CNTN3: variants seen among roughly 807,000 people sequenced by gnomAD.
The protein encoded by CNTN3 is contactin 3, also known as contactin-3.
In CNTN3, 60 loss-of-function variants were observed where a neutral mutation model predicts 119.1. The ratio of observed to expected loss-of-function variants is 0.50; its 90% CI spans 0.41 to 0.62. CNTN3 has a LOEUF of 0.62. Among genes scored for constraint, CNTN3 ranks in the 20% least tolerant of loss-of-function variants. The pLI is 0.00. For synonymous variants in CNTN3, 450 were observed against 438.7 expected (o/e 1.03, Z -0.32); for missense variants, 1,101 against 1,242.4 (o/e 0.89, Z 1.71).
At chr3:74,315,302 T>A (rs1702802487) in intron 13 of CNTN3, among the ~76,000 whole-genome samples, 1 of 152,170 alleles carries the variant, frequency 6.6e-6, no homozygotes, top group South Asian at 2.1e-4. Flanking sequence ...TAAAAATAGT[T>A]ATCCAGCAGA....
At chr3:74,450,825 C>CTACAAAGGACATGAACTCATCATTTT (rs1478669688) in intron 4 of CNTN3, among the ~76,000 whole-genome samples, 1 of 151,862 alleles carries the variant, frequency 6.6e-6, no homozygotes, top group Non-Finnish European at 1.5e-5. Context: ...ATCCATGTCC[C>CTACAAAGGACATGAACTCATCATTTT]TACAAAGGAC....
intron 1 of CNTN3, among the ~76,000 whole-genome samples, chr3:74,524,054 C>T (rs910089652): frequency 6.6e-6 from 1 of 151,876 alleles, no homozygotes; most frequent in Non-Finnish European, 1.5e-5. Context: ...GGATAAGTCA[C>T]AGCATGGGAA....
At chr3:74,321,083 G>A (rs1559545311) in intron 13 of CNTN3, among the ~76,000 whole-genome samples, 1 of 152,040 alleles carries the variant, frequency 6.6e-6, no homozygotes, top group Non-Finnish European at 1.5e-5. Context: ...GCTAAACACT[G>A]GGTATACATG....
intron 1 of CNTN3, among the ~76,000 whole-genome samples, chr3:74,568,709 C>T (rs1704264059): frequency 6.6e-6 from 1 of 152,202 alleles, no homozygotes; most frequent in Admixed American, 6.5e-5. Flanking sequence ...AAGTTCTGTT[C>T]TCCAACCTGG....
At chr3:74,470,971 G>T (rs1702550810) in intron 4 of CNTN3, among the ~76,000 whole-genome samples, 2 of 152,070 alleles carry the variant, frequency 1.3e-5, no homozygotes, top group South Asian at 4.2e-4. Context: ...CCGCCTCCCG[G>T]GTTCAAGCGA....
intron 4 of CNTN3, among the ~76,000 whole-genome samples, chr3:74,446,960 T>C (rs575518665): frequency 7.9e-5 from 12 of 152,320 alleles, no homozygotes; most frequent in African/African-American, 2.9e-4. Flanking sequence ...ATGGATGTAA[T>C]ACAAAATAGT....
chr3:74,481,671 G>A (rs1298822606), intron 4 of CNTN3, among the ~76,000 whole-genome samples: 1 of 151,574 alleles, frequency 6.6e-6, no homozygotes, highest in African/African-American at 2.4e-5. Context: ...AAAAGAATAA[G>A]TTAACCATAC....
At chr3:74,566,381 G>A (rs1704226422) in intron 1 of CNTN3, among the ~76,000 whole-genome samples, 1 of 152,120 alleles carries the variant, frequency 6.6e-6, no homozygotes, top group Non-Finnish European at 1.5e-5. Context: ...CACAAACCAG[G>A]TGGCTTAAAA....
rs200292256 is a variant in CNTN3, at chr3:74,407,401, T to C, written c.454+17444A>G. Among the ~76,000 whole-genome samples, 3 of 150,764 alleles carry C rather than the reference T, an allele frequency of 2.0e-5. No individual in the cohort carries two copies. The East Asian group carries it at 5.9e-4, about 30-fold the overall frequency. On this transcript the variant is annotated intron_variant, in intron 5 of 22. Coordinates refer to ENST00000263665, the MANE Select transcript of CNTN3 (RefSeq NM_020872.3). ...CTCCTGCCTCAGCCTCTGAAGTAGC[T>C]GGGATTACAGGCATGTGCCACCACG...
At chr3:74,583,225 G>C (rs902197603) in intron 1 of CNTN3, among the ~76,000 whole-genome samples, 6 of 152,124 alleles carry the variant, frequency 3.9e-5, no homozygotes, top group Non-Finnish European at 7.4e-5. Context: ...GTGACCTCTG[G>C]ATCGCAGGTT....
In CNTN3 at chr3:74,563,750, G is replaced by C. The variant is rs150308136; in HGVS notation, c.-80-42558C>G. Among the ~76,000 whole-genome samples, 514 of 152,168 alleles carry C rather than the reference G, an allele frequency of 3.4e-3. 2 individuals are homozygous for C. Among genetic ancestry groups the C allele is most frequent in the African/African-American group, 0.012 (491 of 41,518 alleles). ...CATTTTAGTGCAGTGGCACAGTTGT[G>C]GTGGTACTATCTATTCACCACACCA... is the stretch of plus-strand genomic sequence containing the variant. On this transcript the variant is annotated intron_variant, in intron 1 of 22. Coordinates refer to ENST00000263665, the MANE Select transcript of CNTN3 (RefSeq NM_020872.3).
At chr3:74,326,183 GT>G (rs1349288094) in intron 13 of CNTN3, among the ~76,000 whole-genome samples, 15 of 152,092 alleles carry the variant, frequency 9.9e-5, no homozygotes, top group African/African-American at 2.9e-4. Flanking sequence ...AGAGAGTATT[GT>G]AGGTGCTTTT....
chr3:74,348,727 C>T (rs78359429), intron 11 of CNTN3, among the ~76,000 whole-genome samples: 22 of 152,186 alleles, frequency 1.4e-4, no homozygotes, highest in Admixed American at 1.0e-3. Flanking sequence ...CAATCTCTGC[C>T]GGAATGCCTG....
chr3:74,503,573 GAA>G (rs1195901192), intron 2 of CNTN3, among the ~76,000 whole-genome samples: 1 of 152,070 alleles, frequency 6.6e-6, no homozygotes, highest in Non-Finnish European at 1.5e-5. Context: ...AAGAGATTCT[GAA>G]GTCTCTGCTA....
rs1442421935 is a variant in CNTN3, at chr3:74,262,995, T to C, written c.*1406A>G. ...AATGTAAAATAGTGCTTTATGGTGA[T>C]ATCAGAATTTCCCTAATTTTTAATC... On this transcript the variant is annotated 3_prime_UTR_variant, in exon 23 of 23. Coordinates refer to ENST00000263665, the MANE Select transcript of CNTN3 (RefSeq NM_020872.3). The C allele has an allele frequency of 1.3e-5, 2 of 152,164 alleles. No individual in the cohort carries two copies. Among genetic ancestry groups the C allele is most frequent in the Non-Finnish European group, 2.9e-5 (2 of 67,990 alleles). The allele number at this position is 152,164 out of a possible 1,614,324, so 9.4% of individuals were successfully genotyped here.
intron 4 of CNTN3, among the ~76,000 whole-genome samples, chr3:74,425,480 A>G (rs1008420669): frequency 2.0e-5 from 3 of 152,210 alleles, no homozygotes; most frequent in Non-Finnish European, 4.4e-5. Context: ...TACAATATAA[A>G]TATATACCCA....
intron 18 of CNTN3, among the ~76,000 whole-genome samples, chr3:74,297,046 T>C (rs1575705553): frequency 6.6e-6 from 1 of 152,160 alleles, no homozygotes; most frequent in Middle Eastern, 3.4e-3. Context: ...ACAGAACGGG[T>C]CCAGAGTGAA....
intron 4 of CNTN3, among the ~76,000 whole-genome samples, chr3:74,430,665 A>C (rs1177337917): frequency 2.6e-5 from 4 of 152,092 alleles, no homozygotes; most frequent in African/African-American, 7.2e-5. Flanking sequence ...TGTCGTTATC[A>C]AAGGGTACTA....
At chr3:74,272,776 C>G (rs1385493322) in intron 20 of CNTN3, among the ~76,000 whole-genome samples, 1 of 152,086 alleles carries the variant, frequency 6.6e-6, no homozygotes, top group African/African-American at 2.4e-5. Context: ...ACATCACAAA[C>G]AAAGAGGGAG....
Sources: gnomAD v4.1 joint callset for allele counts (sites outside exome capture counted in the v4.1 genomes callset) on GRCh38, gnomAD v4.1.1 for gene constraint, MANE v1.5 for transcripts, NCBI Gene and HGNC (gene_info 2026-07-23, HGNC 2026-07-21) for gene names.